NAA15: variants seen among roughly 807,000 people sequenced by gnomAD.
The protein encoded by NAA15 is N-alpha-acetyltransferase 15, NatA auxiliary subunit, also known as N-terminal acetyltransferase.
In NAA15, 34 loss-of-function variants were observed where a neutral mutation model predicts 114.0. The observed-to-expected ratio is 0.30, with a 90% CI of 0.23 to 0.40. NAA15 has a LOEUF of 0.40. NAA15 is among the 10% of genes least tolerant of loss of function. The pLI is 1.00. For synonymous variants in NAA15, 340 were observed against 338.0 expected (o/e 1.01, Z -0.06); for missense variants, 658 against 1,004.5 (o/e 0.66, Z 4.66).
At chr4:139,335,744 T>A (rs1172098016) in intron 2 of NAA15, among the ~76,000 whole-genome samples, 1 of 151,642 alleles carries the variant, frequency 6.6e-6, no homozygotes, top group Non-Finnish European at 1.5e-5. Context: ...GCATATAAAT[T>A]GTCATAATTT....
intron 1 of NAA15, among the ~76,000 whole-genome samples, chr4:139,323,708 C>G (rs1746697274): frequency 6.6e-6 from 1 of 152,152 alleles, no homozygotes; most frequent in Non-Finnish European, 1.5e-5. Context: ...TGGGATTTAC[C>G]CTGCTTCTCT....
rs368336999 is a variant in NAA15, at chr4:139,310,430, G to T, written c.54+8599G>T. Among the ~76,000 whole-genome samples the T allele has an allele frequency of 2.3e-4, 34 of 148,982 alleles. 1 individual carries two copies. In the East Asian group the frequency reaches 3.2e-3, roughly 14 times the overall value. ...GATCCCGCCACTGCACTCCAGCCTG[G>T]GCGACAGAGCGAGACTCCGTCTCAA... On this transcript the variant is annotated intron_variant, in intron 1 of 19. Coordinates refer to ENST00000296543, the MANE Select transcript of NAA15 (RefSeq NM_057175.5).
rs1311466893 is a variant in NAA15, at chr4:139,344,224, A to G, written c.576A>G (p.Leu192=). The stretch of plus-strand genomic sequence containing the variant: ...AGGTGGATTATGAATATAGTGAACT[A>G]CTCTTATATCAGAATCAAGTTCTTC... ...PDKVDYEYSE[L]LLYQNQVLRE... Residue 192 remains leucine (L), a synonymous_variant, in exon 6 of 20, where the codon CTA becomes CTG. Transcript: ENST00000296543. 9.9e-6 allele frequency: 16 copies of G among 1,612,414 alleles called. No homozygotes were observed. The highest frequency in any genetic ancestry group is 1.4e-5 in the Non-Finnish European group (16 of 1,178,884).
chr4:139,332,572 GTTTTTTTTTTTTTTTTT>G (rs1164115947), intron 1 of NAA15, among the ~76,000 whole-genome samples: 4 of 62,012 alleles, frequency 6.5e-5, no homozygotes, highest in Non-Finnish European at 1.2e-4. Flanking sequence ...TGGTTTGTAT[GTTTTTTTTTTTTTTTTT>G]TTTTTTTTTT....
rs35581039 is a variant in NAA15 at position 139,371,497 on chromosome 4, GCACACACACACACACACA to G, written c.1947+1121_1947+1138del. Among the ~76,000 whole-genome samples, 384 of 113,674 alleles carry G rather than the reference GCACACACACACACACACA, an allele frequency of 3.4e-3. 1 individual carries two copies. Among genetic ancestry groups the G allele is most frequent in the Middle Eastern group, 0.011 (2 of 184 alleles). 74.6% of individuals were successfully genotyped at this position (113,674 alleles called of 152,430 possible). On this transcript the variant is annotated intron_variant, in intron 15 of 19. Transcript: ENST00000296543. ...CTTAAAAAAAAAAAAAAGAAAAGTA[GCACACACACACACACACA>G]CACACACACACACACACACACACAC...
intron 6 of NAA15, among the ~76,000 whole-genome samples, chr4:139,345,483 AATG>A (rs1271120479): frequency 6.6e-6 from 1 of 152,186 alleles, no homozygotes; most frequent in African/African-American, 2.4e-5. Context: ...AATGAGGAAG[AATG>A]GCAGATAGGT....
rs79821583 is a variant in NAA15 at position 139,385,577 on chromosome 4, A to T, written c.2303-556A>T. Among the ~76,000 whole-genome samples the T allele has an allele frequency of 8.5e-3, 1,292 of 152,214 alleles. 19 individuals carry two copies. The highest frequency in any genetic ancestry group is 0.03 in the African/African-American group (1,236 of 41,504). On this transcript the variant is annotated intron_variant, in intron 18 of 19. Coordinates refer to ENST00000296543, the MANE Select transcript of NAA15 (RefSeq NM_057175.5). Reference sequence around the variant, plus strand: ...AGAGTTGACAGTGCTAAACACCTGAAATTATCTTCACAGTTTGTGAGAAAT... The same window carrying T: ...AGAGTTGACAGTGCTAAACACCTGATATTATCTTCACAGTTTGTGAGAAAT...
At chr4:139,341,397 C>A (rs1747382505) in intron 4 of NAA15, among the ~76,000 whole-genome samples, 2 of 151,380 alleles carry the variant, frequency 1.3e-5, no homozygotes, top group Non-Finnish European at 2.9e-5. Flanking sequence ...AGATCGAGAC[C>A]ATCCTGCCTA....
chr4:139,364,088 C>T (rs1464262449), intron 14 of NAA15, among the ~76,000 whole-genome samples: 5 of 152,156 alleles, frequency 3.3e-5, no homozygotes, highest in Non-Finnish European at 7.3e-5. Flanking sequence ...GTTGCCCAGG[C>T]TTGTCTTGAG....
intron 17 of NAA15, among the ~76,000 whole-genome samples, chr4:139,380,978 A>C (rs965305512): frequency 6.6e-6 from 1 of 152,210 alleles, no homozygotes; most frequent in African/African-American, 2.4e-5. Context: ...ATACTGTTGT[A>C]ACTGCTTCTT....
chr4:139,354,445 T>C (rs554196676), intron 10 of NAA15, among the ~76,000 whole-genome samples: 25 of 152,176 alleles, frequency 1.6e-4, no homozygotes, highest in African/African-American at 5.1e-4. Flanking sequence ...ACCACAGACA[T>C]GCACCATCAT....
intron 14 of NAA15, among the ~76,000 whole-genome samples, chr4:139,367,973 T>G (rs1380818427): frequency 6.6e-6 from 1 of 151,330 alleles, no homozygotes; most frequent in Non-Finnish European, 1.5e-5. Context: ...TGCAGCCTCC[T>G]CAAAGTCTAG....
rs538885357 is a variant in NAA15, at chr4:139,301,517, C to T, written c.-261C>T. On this transcript the variant is annotated 5_prime_UTR_variant, in exon 1 of 20. Transcript: ENST00000296543. ...CGTCCGCCATTTTGGCTGCCTCTGT[C>T]GGTCTGTTCAGTTACCACGTGAACC... 2.3e-5 allele frequency: 11 copies of T among 468,968 alleles called. No individual in the cohort carries two copies. The highest frequency in any genetic ancestry group is 1.1e-4 in the South Asian group (3 of 28,348). 29.1% of individuals were successfully genotyped at this position (468,968 alleles called of 1,614,324 possible). A position where few individuals can be genotyped will look rare whatever the true frequency, so the allele number is the denominator to read the frequency against.
intron 19 of NAA15, 34 bp from the exon 20 acceptor site, chr4:139,387,850 A>T (rs368832958): frequency 2.2e-4 from 341 of 1,546,292 alleles, no homozygotes; most frequent in Admixed American, 9.2e-4. Context: ...CCTTTTTTTG[A>T]CCAGTTACAA....
At chr4:139,334,610 A>G (rs13141287) in intron 2 of NAA15, among the ~76,000 whole-genome samples, 5 of 152,250 alleles carry the variant, frequency 3.3e-5, no homozygotes, top group Admixed American at 2.6e-4. Context: ...ATAAACTATC[A>G]TATTTTTTAT....
chr4:139,361,674 C>G, intron 13 of NAA15, 50 bp from the exon 14 acceptor site: 1 of 1,139,640 alleles, frequency 8.8e-7, no homozygotes. Flanking sequence ...TTATAGTTTT[C>G]TTAGCCATTG....
chr4:139,374,405 A>G (rs1465546991), intron 15 of NAA15, among the ~76,000 whole-genome samples: 2 of 152,098 alleles, frequency 1.3e-5, no homozygotes, highest in African/African-American at 4.8e-5. Flanking sequence ...ATGGACCCCA[A>G]CTGAGTATGA....
chr4:139,371,496 A>AACAC (rs1560978427), intron 15 of NAA15, among the ~76,000 whole-genome samples: 5 of 41,776 alleles, frequency 1.2e-4, no homozygotes, highest in Admixed American at 3.8e-4. Context: ...AAAGAAAAGT[A>AACAC]GCACACACAC....
chr4:139,358,663 A>G (rs1035734156), intron 11 of NAA15, among the ~76,000 whole-genome samples: 1 of 152,206 alleles, frequency 6.6e-6, no homozygotes, highest in Non-Finnish European at 1.5e-5. Context: ...ATTATGGCTC[A>G]TTAGTTTTGA....
Sources: allele counts gnomAD v4.1 joint callset (sites outside exome capture counted in the v4.1 genomes callset), GRCh38; gene constraint gnomAD v4.1.1; transcripts MANE v1.5; gene names NCBI Gene and HGNC (gene_info 2026-07-23, HGNC 2026-07-21).